Variants in CPSF3 observed in about 807,000 individuals in gnomAD.
CPSF3 encodes cleavage and polyadenylation specificity factor subunit 3.
CPSF3 carries 57 observed loss-of-function variants against 84.1 expected under a neutral mutation model. The ratio of observed to expected loss-of-function variants is 0.68; its 90% CI spans 0.55 to 0.85. CPSF3 has a LOEUF of 0.85. Ranked by LOEUF, CPSF3 falls within the 40% of genes least tolerant of loss-of-function variation. The probability of loss-of-function intolerance (pLI) is 0.00; values close to 1 mark genes in which losing one functional copy is unlikely to be tolerated. For missense variants in CPSF3, 522 were observed against 838.8 expected (o/e 0.62, Z 4.66); for synonymous variants, 275 against 278.1 (o/e 0.99, Z 0.11).
chr2:9,442,626 G>A (rs572490557), intron 9 of CPSF3, among the ~76,000 whole-genome samples: 8 of 152,078 alleles, frequency 5.3e-5, no homozygotes, highest in African/African-American at 1.4e-4. Context: ...CAAGGCGGGC[G>A]GATCACCTGA....
intron 16 of CPSF3, among the ~76,000 whole-genome samples, chr2:9,468,999 T>C (rs1436238281): frequency 6.6e-6 from 1 of 152,178 alleles, no homozygotes; most frequent in African/African-American, 2.4e-5. Flanking sequence ...ATAGAAGTTG[T>C]CATACATCTT....
intron 7 of CPSF3, 25 bp downstream of exon 7, chr2:9,436,386 G>T: frequency 6.3e-7 from 1 of 1,582,448 alleles, no homozygotes; most frequent in Non-Finnish European, 8.6e-7. Context: ...TTGTATTTAG[G>T]CGATGATCAA....
intron 14 of CPSF3, among the ~76,000 whole-genome samples, chr2:9,459,099 C>T (rs566004207): frequency 8.1e-5 from 12 of 148,114 alleles, no homozygotes; most frequent in Non-Finnish European, 1.3e-4. Flanking sequence ...GCAATGGGAG[C>T]AAAATTCCAT....
At chr2:9,438,438 T>C (rs1407809394) in intron 7 of CPSF3, among the ~76,000 whole-genome samples, 1 of 152,192 alleles carries the variant, frequency 6.6e-6, no homozygotes, top group African/African-American at 2.4e-5. Flanking sequence ...CATTAAATTT[T>C]AGGTTCAGAT....
chr2:9,436,774 A>AAATAATAATAATAATAATAAT (rs70948816), intron 7 of CPSF3, among the ~76,000 whole-genome samples: 32,684 of 142,716 alleles, frequency 0.23, 4,270 homozygotes, highest in Non-Finnish European at 0.29. Flanking sequence ...CCATCTCAAA[A>AAATAATAATAATAATAATAAT]AATAATAATA....
intron 10 of CPSF3, among the ~76,000 whole-genome samples, chr2:9,445,896 A>T (rs906271749): frequency 6.6e-6 from 1 of 152,248 alleles, no homozygotes; most frequent in East Asian, 1.9e-4. Context: ...ACTAGCTAAC[A>T]TTGATTATTT....
chr2:9,424,494 G>C (rs1680272489), intron 1 of CPSF3: 1 of 154,292 alleles, frequency 6.5e-6, no homozygotes, highest in African/African-American at 2.4e-5. Flanking sequence ...CAAATGTAGA[G>C]AACTTGAATT....
intron 15 of CPSF3, among the ~76,000 whole-genome samples, chr2:9,460,679 CTTT>C (rs529125315): frequency 2.2e-5 from 3 of 137,676 alleles, no homozygotes; most frequent in Non-Finnish European, 1.6e-5. Context: ...TTCTTTCTTT[CTTT>C]TTTTTTTTTT....
chr2:9,452,306 C>T (rs774184436), intron 11 of CPSF3, among the ~76,000 whole-genome samples: 2 of 137,878 alleles, frequency 1.5e-5, no homozygotes, highest in Non-Finnish European at 3.0e-5. Flanking sequence ...TCCAGCCTGG[C>T]GACAGTGAGA....
At chr2:9,446,059 C>T (rs1182224414) in intron 10 of CPSF3, among the ~76,000 whole-genome samples, 1 of 152,242 alleles carries the variant, frequency 6.6e-6, no homozygotes, top group South Asian at 2.1e-4. Flanking sequence ...GGATTCTGTT[C>T]AGGCAGCCAG....
intron 15 of CPSF3, among the ~76,000 whole-genome samples, chr2:9,465,841 A>T (rs1412254956): frequency 6.6e-6 from 1 of 152,166 alleles, no homozygotes; most frequent in Non-Finnish European, 1.5e-5. Context: ...TGAACATGAA[A>T]TGAAATGATG....
intron 17 of CPSF3, among the ~76,000 whole-genome samples, chr2:9,472,597 C>A (rs1035412793): frequency 6.6e-6 from 1 of 152,126 alleles, no homozygotes; most frequent in Non-Finnish European, 1.5e-5. Flanking sequence ...GTGTGTAGGG[C>A]GGCCGTTCTG....
In CPSF3 at chr2:9,455,791, TTCTG is replaced by T. The variant is rs767181778; in HGVS notation, c.1603+38_1603+41del. 3.3e-5 allele frequency: 47 copies of T among 1,441,648 alleles called. 1 individual carries two copies. The South Asian group carries it at 5.6e-4, about 17-fold the overall frequency. The allele number at this position is 1,441,648 out of a possible 1,614,324, so 89.3% of individuals were successfully genotyped here. On this transcript the variant is annotated intron_variant, in intron 13 of 17. Coordinates refer to ENST00000238112, the MANE Select transcript of CPSF3 (RefSeq NM_016207.4). ...GTGTACTGAAATTCATTTCATTGTT[TTCTG>T]TCTTTTAGTAAGATAATTTTCTATC... is the stretch of plus-strand genomic sequence containing the variant.
intron 7 of CPSF3, among the ~76,000 whole-genome samples, chr2:9,436,774 A>AAAAAAAAAAATAAATAATAAT (rs139337028): frequency 2.1e-5 from 3 of 143,002 alleles, no homozygotes; most frequent in African/African-American, 5.2e-5. Context: ...CCATCTCAAA[A>AAAAAAAAAAATAAATAATAAT]AATAATAATA....
At chr2:9,436,424 T>G in intron 7 of CPSF3, 63 bp downstream of exon 7, 1 of 1,524,654 alleles carries the variant, frequency 6.6e-7, no homozygotes, top group Non-Finnish European at 8.9e-7. Flanking sequence ...AAGATAATAA[T>G]GTGGTCTTGG....
intron 8 of CPSF3, among the ~76,000 whole-genome samples, chr2:9,441,441 A>G (rs1215927008): frequency 7.2e-5 from 11 of 152,200 alleles, no homozygotes; most frequent in Non-Finnish European, 4.4e-5. Context: ...ATGCAAAGCT[A>G]TTGTGAGTCT....
At chr2:9,432,796 A>G (rs1680636729) in intron 5 of CPSF3, 108 bp downstream of exon 5, 1 of 817,858 alleles carries the variant, frequency 1.2e-6, no homozygotes, top group Non-Finnish European at 1.7e-6. Context: ...AAGTGTCAGA[A>G]CACGGAAACA....
intron 1 of CPSF3, chr2:9,424,836 G>A (rs1421937580): frequency 6.6e-6 from 1 of 152,176 alleles, no homozygotes; most frequent in Non-Finnish European, 1.5e-5. Flanking sequence ...GGAATAATAG[G>A]AGACTATTAC....
At chr2:9,429,572 A>G (rs1558448985) in intron 2 of CPSF3, among the ~76,000 whole-genome samples, 1 of 152,206 alleles carries the variant, frequency 6.6e-6, no homozygotes, top group Non-Finnish European at 1.5e-5. Flanking sequence ...TTCTCACGAG[A>G]GTCGATCTGG....
Sources: allele counts gnomAD v4.1 joint callset (sites outside exome capture counted in the v4.1 genomes callset), GRCh38; gene constraint gnomAD v4.1.1; transcripts MANE v1.5; gene names NCBI Gene and HGNC (gene_info 2026-07-23, HGNC 2026-07-21).